The following GARNL3 variants were observed in gnomAD, a reference collection of about 807,000 sequenced individuals.
GARNL3 encodes the protein GTPase activating Rap/RanGAP domain like 3, also known as GTPase-activating Rap/Ran-GAP domain-like protein 3.
In GARNL3, 63 loss-of-function variants were observed where a neutral mutation model predicts 125.0. The ratio of observed to expected loss-of-function variants is 0.50; its 90% CI spans 0.41 to 0.62. GARNL3 has a LOEUF of 0.62. GARNL3 is among the 20% of genes least tolerant of loss of function. The probability of loss-of-function intolerance (pLI) is 0.00; values close to 1 mark genes in which losing one functional copy is unlikely to be tolerated. For synonymous variants in GARNL3, 439 were observed against 457.5 expected (o/e 0.96, Z 0.52); for missense variants, 994 against 1,244.0 (o/e 0.80, Z 3.02).
At chr9:127,331,720 C>CTTGCTTTTTTT (rs367597623) in intron 7 of GARNL3, among the ~76,000 whole-genome samples, 4 of 74,412 alleles carry the variant, frequency 5.4e-5, no homozygotes, top group African/African-American at 1.9e-4. Flanking sequence ...CTTGGGCTTG[C>CTTGCTTTTTTT]TTTTTTTTTT....
chr9:127,365,857 C>T (rs928057967), intron 22 of GARNL3, among the ~76,000 whole-genome samples: 6 of 152,090 alleles, frequency 3.9e-5, no homozygotes, highest in Admixed American at 2.6e-4. Context: ...TAACCACTGT[C>T]GCTATTCTAC....
chr9:127,295,726 C>CTT (rs59742421), intron 2 of GARNL3, among the ~76,000 whole-genome samples: 6 of 146,968 alleles, frequency 4.1e-5, no homozygotes, highest in East Asian at 4.0e-4. Context: ...AATGAAAGCA[C>CTT]TTTTTTTTTT....
chr9:127,307,724 G>A (rs1462020769), intron 2 of GARNL3, among the ~76,000 whole-genome samples: 1 of 152,030 alleles, frequency 6.6e-6, no homozygotes, highest in Non-Finnish European at 1.5e-5. Context: ...AAATTCAGGT[G>A]ATTTTTGTTT....
chr9:127,337,975 T>C (rs1407160626), intron 11 of GARNL3, 141 bp from the exon 12 acceptor site: 2 of 688,474 alleles, frequency 2.9e-6, no homozygotes, highest in South Asian at 1.8e-5. Context: ...GAAGTATGGG[T>C]TCTGTCCCAA....
chr9:127,301,331 C>G (rs2064779440), intron 2 of GARNL3, among the ~76,000 whole-genome samples: 1 of 152,208 alleles, frequency 6.6e-6, no homozygotes, highest in Admixed American at 6.5e-5. Context: ...TTTATGGACC[C>G]TAATGACTCA....
chr9:127,287,732 CAG>C (rs1230765465), intron 1 of GARNL3, among the ~76,000 whole-genome samples: 1 of 152,226 alleles, frequency 6.6e-6, no homozygotes, highest in Non-Finnish European at 1.5e-5. Context: ...AGCATGAGCT[CAG>C]GGTGTTGGTG....
chr9:127,353,946 TG>T lies in GARNL3; in HGVS notation c.1642+4del. The stretch of plus-strand genomic sequence containing the variant: ...TTCTGGTTCTCAGAGCAGACAAAGG[TG>T]GTATTCCCTGCCGGGTGGCATGCTG... On this transcript the variant is annotated splice_donor_region_variant and intron_variant, in intron 18 of 27. Transcript: ENST00000373387. 6.3e-7 allele frequency: 1 copy of T among 1,594,038 alleles called. No individual in the cohort carries two copies. Among genetic ancestry groups the T allele is most frequent in the Non-Finnish European group, 8.6e-7 (1 of 1,162,002 alleles).
At chr9:127,351,124 C>T (rs1444503394) in intron 17 of GARNL3, among the ~76,000 whole-genome samples, 1 of 152,192 alleles carries the variant, frequency 6.6e-6, no homozygotes, top group Non-Finnish European at 1.5e-5. Flanking sequence ...CACTCCTTCC[C>T]TTTTGCCCTT....
intron 1 of GARNL3, among the ~76,000 whole-genome samples, chr9:127,234,940 T>C (rs1196001867): frequency 2.0e-5 from 3 of 152,268 alleles, no homozygotes; most frequent in Admixed American, 6.5e-5. Context: ...TTTCAACATA[T>C]GAATTTTGGA....
intron 22 of GARNL3, among the ~76,000 whole-genome samples, chr9:127,366,137 G>T (rs972148830): frequency 1.3e-5 from 2 of 152,142 alleles, no homozygotes; most frequent in Non-Finnish European, 2.9e-5. Flanking sequence ...TTCGGCCTAG[G>T]ATTTTATCAA....
intron 17 of GARNL3, among the ~76,000 whole-genome samples, chr9:127,350,637 G>A (rs1199876340): frequency 1.3e-5 from 2 of 151,964 alleles, no homozygotes; most frequent in African/African-American, 2.4e-5. Context: ...TTAGCCGGAT[G>A]TGGTGGCGGA....
chr9:127,247,922 CT>C (rs972935164), intron 2 of GARNL3, among the ~76,000 whole-genome samples: 2 of 152,208 alleles, frequency 1.3e-5, no homozygotes, highest in Admixed American at 6.5e-5. Flanking sequence ...CCACTACCCC[CT>C]GTCCCCTACT....
intron 1 of GARNL3, among the ~76,000 whole-genome samples, chr9:127,283,917 T>TA (rs1197467612): frequency 7.2e-5 from 11 of 152,314 alleles, no homozygotes; most frequent in African/African-American, 1.4e-4. Flanking sequence ...AAATAAAGTT[T>TA]AAAAAATCCT....
chr9:127,387,420 T>C (rs1386066389), intron 25 of GARNL3, 89 bp downstream of exon 25: 2 of 1,226,628 alleles, frequency 1.6e-6, no homozygotes, highest in African/African-American at 3.0e-5. Flanking sequence ...GTGATTACTG[T>C]TTAAAGAAGT....
intron 1 of GARNL3, among the ~76,000 whole-genome samples, chr9:127,282,009 T>C (rs190553009): frequency 1.8e-4 from 27 of 152,298 alleles, no homozygotes; most frequent in African/African-American, 6.3e-4. Context: ...CTTCCCCAGT[T>C]CCCCCAGGCA....
At chr9:127,236,580 G>A (rs1256567711) in intron 1 of GARNL3, among the ~76,000 whole-genome samples, 1 of 152,148 alleles carries the variant, frequency 6.6e-6, no homozygotes, top group African/African-American at 2.4e-5. Context: ...TCCCACCTCA[G>A]CCTCCTGAGT....
intron 3 of GARNL3, among the ~76,000 whole-genome samples, chr9:127,312,016 C>A (rs533572952): frequency 6.6e-6 from 1 of 152,086 alleles, no homozygotes; most frequent in South Asian, 2.1e-4. Context: ...AGAGATAAGA[C>A]GAATTTTCCA....
At chr9:127,292,235 A>G (rs899439148) in intron 2 of GARNL3, among the ~76,000 whole-genome samples, 12 of 152,234 alleles carry the variant, frequency 7.9e-5, no homozygotes, top group Non-Finnish European at 1.5e-4. Context: ...TGTTAGCCAA[A>G]TGGAGGCTGA....
intron 6 of GARNL3, among the ~76,000 whole-genome samples, chr9:127,322,409 A>G (rs1178236260): frequency 6.6e-6 from 1 of 152,134 alleles, no homozygotes; most frequent in Non-Finnish European, 1.5e-5. Flanking sequence ...AGGAAAAGAA[A>G]AAAAAAAAAG....
Sources: allele counts gnomAD v4.1 joint callset (sites outside exome capture counted in the v4.1 genomes callset), GRCh38; gene constraint gnomAD v4.1.1; transcripts MANE v1.5; gene names NCBI Gene and HGNC (gene_info 2026-07-23, HGNC 2026-07-21).